CACNA1B: variants seen among roughly 807,000 people sequenced by gnomAD.
The protein encoded by CACNA1B is calcium voltage-gated channel subunit alpha1 B, also known as voltage-dependent N-type calcium channel subunit alpha-1B.
CACNA1B carries 70 observed loss-of-function variants against 247.2 expected under a neutral mutation model. The observed-to-expected ratio is 0.28, with a 90% CI of 0.23 to 0.35. CACNA1B has a LOEUF of 0.35. Ranked by LOEUF, CACNA1B falls within the 10% of genes least tolerant of loss-of-function variation. The pLI is 1.00. For synonymous variants in CACNA1B, 1,231 were observed against 1,294.4 expected, an observed-to-expected ratio of 0.95 and a Z score of 1.05; for missense variants, 2,367 against 3,197.4, an observed-to-expected ratio of 0.74 and a Z score of 6.26.
At chr9:137,892,060 T>G (rs1564876656) in intron 3 of CACNA1B, 1 of 457,264 alleles carries the variant, frequency 2.2e-6, no homozygotes, top group Non-Finnish European at 4.4e-6. Flanking sequence ...CCACCCCTTC[T>G]TCCCCACCAG....
In CACNA1B at chr9:138,012,980, CAG is replaced by C. The variant is rs935717907; in HGVS notation, c.2161-148_2161-147del. On this transcript the variant is annotated intron_variant, in intron 17 of 46. Transcript: ENST00000371372. This position sits in a 1 kb window ranked among gnomAD's most constrained non-coding sequence, Gnocchi z 4.2. The stretch of plus-strand genomic sequence containing the variant: ...CAGGTCGTGGGGGGCCACATTCACT[CAG>C]GGGTTGGCTGCCTGTCTCCACTGGA... 4.4e-5 allele frequency: 26 copies of C among 585,298 alleles called. No individual in the cohort carries two copies. The highest frequency in any genetic ancestry group is 4.1e-4 in the African/African-American group (21 of 51,746). The allele number at this position is 585,298 out of a possible 1,614,324, so 36.3% of individuals were successfully genotyped here.
At chr9:138,048,535 T>G (rs899761761) in intron 23 of CACNA1B, among the ~76,000 whole-genome samples, 1 of 152,212 alleles carries the variant, frequency 6.6e-6, no homozygotes, top group East Asian at 1.9e-4. Context: ...GGGTGTGACC[T>G]GGGCCGTGTC....
intron 18 of CACNA1B, among the ~76,000 whole-genome samples, chr9:138,018,058 G>A (rs1454096684): frequency 2.3e-5 from 1 of 43,710 alleles, no homozygotes. Context: ...GGTGCAGTTA[G>A]GCCACCTGCC....
rs1958768088 is a variant in CACNA1B at position 138,014,687 on chromosome 9, T to A, written c.2267+1452T>A. Among the ~76,000 whole-genome samples, 1 of 152,120 alleles carries A rather than the reference T, an allele frequency of 6.6e-6. No individual in the cohort carries two copies. The highest frequency in any genetic ancestry group is 2.1e-4 in the South Asian group (1 of 4,830). On this transcript the variant is annotated intron_variant, in intron 18 of 46. Coordinates refer to ENST00000371372, the MANE Select transcript of CACNA1B (RefSeq NM_000718.4). The surrounding 1 kb of genome is among the most constrained non-coding windows in gnomAD (Gnocchi z 6.2). ...CGAGTGGTGTGTTCAGCTCCTGGCC[T>A]CGCGCAGGCCTCGTGTTGTTCTCCT...
At chr9:138,087,498 C>CCT (rs1960735993) in intron 36 of CACNA1B, among the ~76,000 whole-genome samples, 1 of 144,512 alleles carries the variant, frequency 6.9e-6, no homozygotes, top group African/African-American at 2.7e-5. Context: ...GGGTGGATCA[C>CCT]GAGGTCAAGA....
chr9:137,911,162 A>G (rs939149859), intron 3 of CACNA1B, among the ~76,000 whole-genome samples: 1 of 152,140 alleles, frequency 6.6e-6, no homozygotes, highest in Non-Finnish European at 1.5e-5. Flanking sequence ...ACCAGTTGAC[A>G]TATATGTGGG....
rs200763134 is a variant in CACNA1B, at chr9:137,957,703, T to C, written c.1333+16T>C. 4.0e-5 allele frequency: 62 copies of C among 1,534,988 alleles called. No individual in the cohort carries two copies. Among genetic ancestry groups the C allele is most frequent in the Non-Finnish European group, 5.3e-5 (60 of 1,132,134 alleles). On this transcript the variant is annotated intron_variant, in intron 10 of 46. Coordinates refer to ENST00000371372, the MANE Select transcript of CACNA1B (RefSeq NM_000718.4). This position sits in a 1 kb window ranked among gnomAD's most constrained non-coding sequence, Gnocchi z 4.7. ...TGTGCTGTTGGTGAGTCTCAGGGTG[T>C]CCCTCCAGCTCTGCCAGGCTTGAGC...
chr9:137,986,737 C>T lies in CACNA1B; in HGVS notation c.1902-45C>T. The T allele has an allele frequency of 6.5e-7, 1 of 1,526,924 alleles. No individual in the cohort carries two copies. 94.6% of individuals were successfully genotyped at this position (1,526,924 alleles called of 1,614,324 possible). ...GCTGGAGCCTGCAGGCGCTGCCTCG[C>T]TGCTGACGGGACTGCCACTTCCCAA... On this transcript the variant is annotated intron_variant, in intron 14 of 46. Transcript: ENST00000371372. The surrounding 1 kb of genome is among the most constrained non-coding windows in gnomAD (Gnocchi z 6.0).
chr9:137,969,418 GT>G (rs201982176), intron 10 of CACNA1B, among the ~76,000 whole-genome samples: 1,526 of 152,192 alleles, frequency 0.01, 9 homozygotes, highest in South Asian at 0.012. Flanking sequence ...ATGTGTGTGT[GT>G]GGGGGGCTGT....
intron 6 of CACNA1B, among the ~76,000 whole-genome samples, chr9:137,920,278 C>T (rs1473329831): frequency 6.6e-6 from 1 of 152,288 alleles, no homozygotes; most frequent in Non-Finnish European, 1.5e-5. Context: ...CTCACTGCAA[C>T]CTCTGCCTCC....
At chr9:137,923,003 T>C (rs1957504746) in intron 6 of CACNA1B, among the ~76,000 whole-genome samples, 1 of 152,210 alleles carries the variant, frequency 6.6e-6, no homozygotes, top group South Asian at 2.1e-4. Flanking sequence ...ATTTAGTCAT[T>C]TTGAGAATGT....
Position 138,096,602 on chromosome 9 carries a change from C to T in CACNA1B, c.5213C>T (p.Pro1738Leu), listed in dbSNP as rs764056284. ...EFIRVWAEYD[P>L]AACGRISYND... ...ATCCGGGTCTGGGCTGAATACGACC[C>T]GGCTGCGTGGTAAGTGAGCCGTGGT... Residue 1738 changes from proline (P) to leucine (L), a missense_variant, in exon 37 of 47, where the codon CCG becomes CTG. Pro to Leu is a moderately conservative substitution (Grantham distance 98). This residue lies in a region of CACNA1B where 55 missense variants were observed against 107.8 expected (regional missense o/e 0.51). Transcript: ENST00000371372. The T allele has an allele frequency of 1.9e-6, 3 of 1,611,840 alleles. No individual in the cohort carries two copies. The highest frequency in any genetic ancestry group is 2.2e-5 in the East Asian group (1 of 44,814).
At chr9:137,994,230 C>G (rs1564226813) in intron 15 of CACNA1B, among the ~76,000 whole-genome samples, 1 of 152,210 alleles carries the variant, frequency 6.6e-6, no homozygotes. Context: ...GACAAACCCA[C>G]AGCCAACATA....
In CACNA1B at chr9:138,058,878, G is replaced by A. The variant is rs1279009364; in HGVS notation, c.4473+145G>A. 10 of 812,124 alleles carry A rather than the reference G, an allele frequency of 1.2e-5. No individual in the cohort carries two copies. Among genetic ancestry groups the A allele is most frequent in the Non-Finnish European group, 1.6e-5 (8 of 499,314 alleles). The allele number at this position is 812,124 out of a possible 1,614,324, so 50.3% of individuals were successfully genotyped here. A position where few individuals can be genotyped will look rare whatever the true frequency, so the allele number is the denominator to read the frequency against. ...GCATCCTGGCCAGCATGGGATGCCT[G>A]TGGAATCCTGTTTCCCTTTGTTGTC... On this transcript the variant is annotated intron_variant, in intron 29 of 46. Coordinates refer to ENST00000371372, the MANE Select transcript of CACNA1B (RefSeq NM_000718.4). This position sits in a 1 kb window ranked among gnomAD's most constrained non-coding sequence, Gnocchi z 4.7.
At chr9:138,088,028 A>G (rs1322969956) in intron 36 of CACNA1B, among the ~76,000 whole-genome samples, 2 of 152,274 alleles carry the variant, frequency 1.3e-5, no homozygotes, top group South Asian at 2.1e-4. Context: ...TCAGAACAAG[A>G]GCAAAAAGAA....
At chr9:138,041,931 A>G (rs1959128688) in intron 20 of CACNA1B, among the ~76,000 whole-genome samples, 1 of 151,996 alleles carries the variant, frequency 6.6e-6, no homozygotes, top group Non-Finnish European at 1.5e-5. Context: ...TTTTAATTTT[A>G]AATTTTTTTG....
chr9:137,935,250 C>T (rs1957652206), intron 6 of CACNA1B, among the ~76,000 whole-genome samples: 1 of 152,122 alleles, frequency 6.6e-6, no homozygotes. Context: ...TATGCCTCCC[C>T]CATACCCCCC....
Position 138,023,632 on chromosome 9 carries a change from A to C in CACNA1B, c.2889A>C (p.Arg963=), listed in dbSNP as rs1358313515. The change falls in exon 19 of 47, where the codon CGA becomes CGC. Residue 963 remains arginine, a synonymous_variant. Transcript: ENST00000371372. ...GCGCGCGGCACCGCGGCGGCCCCCG[A>C]GCGGGGCCCCGGGAGGCGGAGAGCG... ...ERRARHRGGP[R]AGPREAESGE... The C allele has an allele frequency of 2.7e-5, 35 of 1,295,890 alleles. No individual in the cohort carries two copies. The highest frequency in any genetic ancestry group is 1.1e-4 in the East Asian group (3 of 26,768). The allele number at this position is 1,295,890 out of a possible 1,614,324, so 80.3% of individuals were successfully genotyped here.
At chr9:137,894,012 AGTC>A (rs1957141118) in intron 3 of CACNA1B, among the ~76,000 whole-genome samples, 5 of 152,368 alleles carry the variant, frequency 3.3e-5, no homozygotes, top group Non-Finnish European at 7.3e-5. Flanking sequence ...AGATAAATGA[AGTC>A]ATACCTTTGG....
Sources: allele counts gnomAD v4.1 joint callset (sites outside exome capture counted in the v4.1 genomes callset), GRCh38; gene constraint gnomAD v4.1.1; regional missense constraint gnomAD v4.1.1; non-coding constraint Gnocchi (gnomAD v3.1); transcripts MANE v1.5; gene names NCBI Gene and HGNC (gene_info 2026-07-23, HGNC 2026-07-21).